PCDHA11: variants seen among roughly 807,000 people sequenced by gnomAD.
PCDHA11 encodes protocadherin alpha 11.
A neutral mutation model predicts 70.3 loss-of-function variants in PCDHA11; 61 were observed. The ratio of observed to expected loss-of-function variants is 0.87; its 90% CI spans 0.71 to 1.07. The LOEUF (loss-of-function observed/expected upper bound fraction) is 1.07. Ranked by LOEUF, PCDHA11 falls within the 50% of genes least tolerant of loss-of-function variation. The pLI is 0.00. For synonymous variants in PCDHA11, 633 were observed against 555.1 expected (o/e 1.14, Z -1.97); for missense variants, 1,324 against 1,237.5 (o/e 1.07, Z -1.05).
intron 1 of PCDHA11, among the ~76,000 whole-genome samples, chr5:140,935,292 G>A (rs782760921): frequency 3.0e-4 from 46 of 152,068 alleles, no homozygotes; most frequent in Non-Finnish European, 3.8e-4. Context: ...TCAGCACTCC[G>A]AGGTTTTTAC....
At chr5:140,883,511 C>A in intron 1 of PCDHA11, 2 of 1,614,186 alleles carry the variant, frequency 1.2e-6, no homozygotes, top group Middle Eastern at 1.7e-4. Context: ...CGCCCTGGAC[C>A]GCGAGAGCGT....
At chr5:141,005,680 C>T (rs1389178600) in intron 3 of PCDHA11, among the ~76,000 whole-genome samples, 6 of 111,878 alleles carry the variant, frequency 5.4e-5, no homozygotes, top group East Asian at 2.8e-4. Flanking sequence ...CCAGCCTGGG[C>T]GACAGAGCGA....
intron 1 of PCDHA11, among the ~76,000 whole-genome samples, chr5:140,921,566 T>C (rs775027482): frequency 4.6e-5 from 7 of 152,304 alleles, no homozygotes; most frequent in Middle Eastern, 3.4e-3. Flanking sequence ...TATTATGTTA[T>C]AGTAGAGCTC....
At chr5:140,968,355 G>A in intron 1 of PCDHA11, 1 of 1,614,080 alleles carries the variant, frequency 6.2e-7, no homozygotes, top group South Asian at 1.1e-5. Context: ...GCCAGTGGCA[G>A]CCTTTATGCT....
intron 1 of PCDHA11, among the ~76,000 whole-genome samples, chr5:140,920,262 T>A (rs1199241403): frequency 2.0e-5 from 3 of 152,216 alleles, no homozygotes; most frequent in African/African-American, 7.2e-5. Flanking sequence ...ATAATAATTA[T>A]TACTTTATGT....
chr5:140,929,283 G>C lies in PCDHA11; in HGVS notation c.2392-49666G>C, dbSNP rs782178876. On this transcript the variant is annotated intron_variant, in intron 1 of 3. Coordinates refer to ENST00000398640, the MANE Select transcript of PCDHA11 (RefSeq NM_018902.5). ...TGAATTTGCCAATATCCTGTATTCA[G>C]ATTCGGAATAGGAAAGGGGATCACG... 52 of 1,600,904 alleles carry C rather than the reference G, an allele frequency of 3.2e-5. No homozygotes were observed. The African/African-American group carries it at 6.7e-4, about 21-fold the overall frequency.
intron 1 of PCDHA11, chr5:140,927,469 C>T (rs17844359): frequency 6.2e-7 from 1 of 1,614,082 alleles, no homozygotes; most frequent in Non-Finnish European, 8.5e-7. Context: ...AGCACTGGAT[C>T]GCGAACAGCG....
chr5:140,993,819 G>A (rs2097583362), intron 3 of PCDHA11, among the ~76,000 whole-genome samples: 1 of 152,142 alleles, frequency 6.6e-6, no homozygotes, highest in Non-Finnish European at 1.5e-5. Context: ...AGGAGCAATA[G>A]GCTATACCAT....
intron 3 of PCDHA11, 102 bp downstream of exon 3, chr5:140,982,665 A>G (rs1318068299): frequency 2.0e-6 from 3 of 1,465,204 alleles, no homozygotes; most frequent in Middle Eastern, 2.1e-4. Context: ...TTTCTTTTAT[A>G]TTTTTGTTAT....
intron 1 of PCDHA11, among the ~76,000 whole-genome samples, chr5:140,921,856 G>A (rs2080440097): frequency 6.6e-6 from 1 of 151,824 alleles, no homozygotes; most frequent in Non-Finnish European, 1.5e-5. Flanking sequence ...AGATGTGTGT[G>A]TATATATACA....
chr5:140,892,310 A>AT (rs1422110989), intron 1 of PCDHA11, among the ~76,000 whole-genome samples: 1 of 152,230 alleles, frequency 6.6e-6, no homozygotes, highest in Non-Finnish European at 1.5e-5. Flanking sequence ...TTTGGGGCTT[A>AT]TAACATTTTC....
chr5:140,890,836 C>A (rs1189670490), intron 1 of PCDHA11, among the ~76,000 whole-genome samples: 1 of 151,884 alleles, frequency 6.6e-6, no homozygotes, highest in Admixed American at 6.6e-5. Flanking sequence ...ACATATTTAC[C>A]AGTTTTGTTT....
chr5:140,992,822 T>G (rs560336634), intron 3 of PCDHA11, among the ~76,000 whole-genome samples: 6 of 152,240 alleles, frequency 3.9e-5, no homozygotes, highest in Admixed American at 3.3e-4. Flanking sequence ...GATGTGTTTG[T>G]TTTTTGGGAA....
At chr5:141,001,261 CTT>C (rs1437571267) in intron 3 of PCDHA11, among the ~76,000 whole-genome samples, 1 of 152,062 alleles carries the variant, frequency 6.6e-6, no homozygotes, top group East Asian at 1.9e-4. Flanking sequence ...GGCGGGCACT[CTT>C]ATGAACTTTT....
Position 141,010,239 on chromosome 5 carries a change from G to A in PCDHA11, c.*302G>A. ...AGGCTTCCCAGCCCCGCCAGTGAGA[G>A]GTTGGACTCTCTGCCCTGTGCTCCG... On this transcript the variant is annotated 3_prime_UTR_variant, in exon 4 of 4. Transcript: ENST00000398640. 1 of 1,551,938 alleles carries A rather than the reference G, an allele frequency of 6.4e-7. No homozygotes were observed. Among genetic ancestry groups the A allele is most frequent in the Non-Finnish European group, 8.7e-7 (1 of 1,147,044 alleles).
In PCDHA11 at chr5:140,870,085, C is replaced by G. The variant is rs200687541; in HGVS notation, c.982C>G (p.Pro328Ala). The stretch of plus-strand genomic sequence containing the variant: ...ACAGGCTACAGATAAGGGGACTCCC[C>G]CAATGGCAGGTCACTGTACAGTCTG... ...EVQATDKGTP[P>A]MAGHCTVWVE... Residue 328 changes from proline (P) to alanine (A), a missense_variant, in exon 1 of 4, where the codon CCA (proline) becomes GCA (alanine). Coordinates refer to ENST00000398640, the MANE Select transcript of PCDHA11 (RefSeq NM_018902.5). 11 of 1,613,744 alleles carry G rather than the reference C, an allele frequency of 6.8e-6. No individual in the cohort carries two copies. The African/African-American group carries it at 1.3e-4, about 20-fold the overall frequency.
chr5:141,005,691 A>G (rs1481537036), intron 3 of PCDHA11, among the ~76,000 whole-genome samples: 1 of 134,408 alleles, frequency 7.4e-6, no homozygotes, highest in Non-Finnish European at 1.6e-5. Flanking sequence ...GACAGAGCGA[A>G]ACTCCGTCTC....
chr5:140,923,964 C>A (rs1410428693), intron 1 of PCDHA11, among the ~76,000 whole-genome samples: 1 of 152,160 alleles, frequency 6.6e-6, no homozygotes, highest in East Asian at 1.9e-4. Context: ...CTAATCTATA[C>A]CCACACATAC....
At chr5:140,933,501 G>A (rs1320553451) in intron 1 of PCDHA11, among the ~76,000 whole-genome samples, 2 of 151,978 alleles carry the variant, frequency 1.3e-5, no homozygotes, top group Non-Finnish European at 2.9e-5. Flanking sequence ...GAATTGTTAA[G>A]CAAAGACTAC....
Sources: gnomAD v4.1 joint callset for allele counts (sites outside exome capture counted in the v4.1 genomes callset) on GRCh38, gnomAD v4.1.1 for gene constraint, MANE v1.5 for transcripts, NCBI Gene and HGNC (gene_info 2026-07-23, HGNC 2026-07-21) for gene names.